EPHA5: variants seen among roughly 807,000 people sequenced by gnomAD.
The protein encoded by EPHA5 is ephrin type-A receptor 5.
In EPHA5, 60 loss-of-function variants were observed where a neutral mutation model predicts 105.0. The ratio of observed to expected loss-of-function variants is 0.57; its 90% CI spans 0.46 to 0.71. The LOEUF (loss-of-function observed/expected upper bound fraction) is 0.71, where lower values mean the gene tolerates loss of function less well. Ranked by LOEUF, EPHA5 falls within the 30% of genes least tolerant of loss-of-function variation. The probability of loss-of-function intolerance (pLI) is 0.00; values close to 1 mark genes in which losing one functional copy is unlikely to be tolerated. For synonymous variants in EPHA5, 513 were observed against 449.1 expected (o/e 1.14, Z -1.80); for missense variants, 1,218 against 1,274.7 (o/e 0.96, Z 0.68).
intron 3 of EPHA5, among the ~76,000 whole-genome samples, 165 bp downstream of exon 3, chr4:65,601,476 G>T (rs1349267031): frequency 1.3e-5 from 2 of 152,108 alleles, no homozygotes; most frequent in African/African-American, 2.4e-5. Context: ...TTTCACGGTT[G>T]CCAGAAATTT....
intron 1 of EPHA5, among the ~76,000 whole-genome samples, chr4:65,658,978 A>G (rs1749306205): frequency 6.6e-6 from 1 of 152,196 alleles, no homozygotes; most frequent in Middle Eastern, 3.4e-3. Context: ...TATTGATTAT[A>G]AAATATTTAA....
At chr4:65,616,454 C>CACAGAG (rs1454115764) in intron 2 of EPHA5, among the ~76,000 whole-genome samples, 85 of 147,956 alleles carry the variant, frequency 5.7e-4, no homozygotes, top group African/African-American at 2.0e-3. Flanking sequence ...CACACACACA[C>CACAGAG]AGAGAGAGAG....
chr4:65,601,120 A>G (rs1490247141), intron 3 of EPHA5, among the ~76,000 whole-genome samples: 2 of 152,192 alleles, frequency 1.3e-5, no homozygotes, highest in Non-Finnish European at 2.9e-5. Context: ...AGTAAACAAC[A>G]CAGTAAACTA....
intron 3 of EPHA5, among the ~76,000 whole-genome samples, chr4:65,594,213 A>T (rs1165214823): frequency 6.6e-6 from 1 of 152,136 alleles, no homozygotes; most frequent in East Asian, 1.9e-4. Context: ...CCTGATAATT[A>T]TCATGTTATA....
At chr4:65,497,241 G>A (rs1732035584) in intron 3 of EPHA5, among the ~76,000 whole-genome samples, 1 of 152,010 alleles carries the variant, frequency 6.6e-6, no homozygotes, top group South Asian at 2.1e-4. Context: ...AATGAACTGG[G>A]GCCAACTTTC....
At chr4:65,539,958 G>T (rs1464808730) in intron 3 of EPHA5, among the ~76,000 whole-genome samples, 2 of 151,160 alleles carry the variant, frequency 1.3e-5, no homozygotes, top group African/African-American at 2.4e-5. Context: ...AAATGATTTT[G>T]GAAAGCCATT....
At chr4:65,494,882 G>A (rs1731762522) in intron 4 of EPHA5, among the ~76,000 whole-genome samples, 2 of 151,928 alleles carry the variant, frequency 1.3e-5, no homozygotes, top group South Asian at 2.1e-4. Context: ...GGCTTTATTG[G>A]GGCAGTTTAG....
chr4:65,659,630 T>C (rs1208648295), intron 1 of EPHA5, among the ~76,000 whole-genome samples: 1 of 152,052 alleles, frequency 6.6e-6, no homozygotes, highest in African/African-American at 2.4e-5. Context: ...AATACATACG[T>C]AAACCACTTA....
At chr4:65,373,860 T>C (rs1425449612) in intron 8 of EPHA5, among the ~76,000 whole-genome samples, 1 of 151,746 alleles carries the variant, frequency 6.6e-6, no homozygotes, top group African/African-American at 2.4e-5. Context: ...CTGAAAAGCA[T>C]GAAACCTAAT....
chr4:65,474,809 T>G (rs1417385901), intron 5 of EPHA5, among the ~76,000 whole-genome samples: 1 of 152,190 alleles, frequency 6.6e-6, no homozygotes, highest in Admixed American at 6.5e-5. Flanking sequence ...CTTAAAATAT[T>G]TCTTTACTCA....
At chr4:65,622,588 A>C (rs938931786) in intron 2 of EPHA5, among the ~76,000 whole-genome samples, 3 of 152,144 alleles carry the variant, frequency 2.0e-5, no homozygotes, top group African/African-American at 7.2e-5. Context: ...GTTCAATTTA[A>C]TGGCTTACTC....
chr4:65,438,952 T>C (rs2149081081), intron 5 of EPHA5, among the ~76,000 whole-genome samples: 1 of 152,190 alleles, frequency 6.6e-6, no homozygotes, highest in Middle Eastern at 3.4e-3. Flanking sequence ...CATTTAAAAA[T>C]AGCTGTAAGA....
chr4:65,339,222 C>T lies in EPHA5; in HGVS notation c.2596-3097G>A, dbSNP rs117588240. Among the ~76,000 whole-genome samples, 39 of 152,172 alleles carry T rather than the reference C, an allele frequency of 2.6e-4. No individual in the cohort carries two copies. The East Asian group carries it at 7.6e-3, about 30-fold the overall frequency. On this transcript the variant is annotated intron_variant, in intron 14 of 16. Transcript: ENST00000613740. The stretch of plus-strand genomic sequence containing the variant: ...TGGGCTCCTTCTATCACATAAGTGT[C>T]ATTGGGTTAGCATTTTTAGGTGTAT...
intron 16 of EPHA5, among the ~76,000 whole-genome samples, chr4:65,329,934 T>C (rs1449142269): frequency 6.6e-6 from 1 of 151,358 alleles, no homozygotes; most frequent in Non-Finnish European, 1.5e-5. Flanking sequence ...TAAATGTTCT[T>C]ACAGTTGAAA....
chr4:65,661,034 C>T (rs1749515131), intron 1 of EPHA5, among the ~76,000 whole-genome samples: 1 of 151,998 alleles, frequency 6.6e-6, no homozygotes, highest in Admixed American at 6.6e-5. Flanking sequence ...TTGTGTATTG[C>T]TCTAATAATT....
chr4:65,586,433 T>C (rs560474984), intron 3 of EPHA5, among the ~76,000 whole-genome samples: 15 of 151,916 alleles, frequency 9.9e-5, no homozygotes, highest in African/African-American at 3.6e-4. Flanking sequence ...TATCTTCTTT[T>C]CATATAATTA....
intron 5 of EPHA5, among the ~76,000 whole-genome samples, chr4:65,477,452 G>T (rs977734490): frequency 6.6e-6 from 1 of 151,662 alleles, no homozygotes; most frequent in Non-Finnish European, 1.5e-5. Flanking sequence ...TCACTCTGTC[G>T]CCCAGGCTTG....
intron 3 of EPHA5, among the ~76,000 whole-genome samples, chr4:65,539,571 C>G (rs570254139): frequency 2.0e-5 from 3 of 151,558 alleles, no homozygotes; most frequent in Non-Finnish European, 4.4e-5. Context: ...TATGTTCCAC[C>G]AGCTGCACCA....
chr4:65,662,034 G>A (rs1749598789), intron 1 of EPHA5, among the ~76,000 whole-genome samples: 1 of 152,042 alleles, frequency 6.6e-6, no homozygotes, highest in African/African-American at 2.4e-5. Context: ...ACTTCCTTGA[G>A]GGTGTTGGAA....
Sources: allele counts gnomAD v4.1 joint callset (sites outside exome capture counted in the v4.1 genomes callset), GRCh38; gene constraint gnomAD v4.1.1; transcripts MANE v1.5; gene names NCBI Gene and HGNC (gene_info 2026-07-23, HGNC 2026-07-21).